Variants in CHMP5 observed in about 807,000 individuals in gnomAD.
The protein encoded by CHMP5 is SNF7 domain containing 2.
A neutral mutation model predicts 33.0 loss-of-function variants in CHMP5; 17 were observed. The ratio of observed to expected loss-of-function variants is 0.52; its 90% CI spans 0.35 to 0.77. CHMP5 has a LOEUF of 0.77. CHMP5 is among the 30% of genes least tolerant of loss of function. The pLI is 0.01. For synonymous variants in CHMP5, 76 were observed against 90.2 expected (o/e 0.84, Z 0.89); for missense variants, 216 against 261.5 (o/e 0.83, Z 1.20).
At chr9:33,276,615 CAGCTGCCTGGG>C (rs1820858282) in intron 6 of CHMP5, 51 bp downstream of exon 6, 1 of 979,002 alleles carries the variant, frequency 1.0e-6, no homozygotes, top group African/African-American at 1.6e-5. Context: ...CCAAAAGCAA[CAGCTGCCTGGG>C]ACCTTTTCTC....
chr9:33,268,023 G>T, intron 3 of CHMP5, 124 bp downstream of exon 3: 1 of 702,936 alleles, frequency 1.4e-6, no homozygotes, highest in Non-Finnish European at 2.5e-6. Context: ...TTTCATTGAC[G>T]TGTAATTAAA....
chr9:33,279,489 A>G (rs1382563983), intron 7 of CHMP5, among the ~76,000 whole-genome samples: 1 of 152,082 alleles, frequency 6.6e-6, no homozygotes. Context: ...TCCCAGGTCC[A>G]TGGGTTGCTT....
chr9:33,270,814 G>T (rs1820785749), intron 4 of CHMP5, 98 bp downstream of exon 4: 1 of 989,388 alleles, frequency 1.0e-6, no homozygotes, highest in Non-Finnish European at 1.6e-6. Flanking sequence ...AGGCACAGTG[G>T]CTCACGCCTG....
Position 33,280,842 on chromosome 9 carries a change from C to A in CHMP5, c.643C>A (p.Gln215Lys). The A allele has an allele frequency of 6.2e-7, 1 of 1,612,088 alleles. No individual in the cohort carries two copies. The highest frequency in any genetic ancestry group is 8.5e-7 in the Non-Finnish European group (1 of 1,179,292). ...GVLVDEFGLP[Q>K]IPAS ...TCTGGTGGATGAATTTGGATTGCCA[C>A]AGATCCCTGCTTCATAGATTTGCAT... Residue 215 changes from glutamine (Q) to lysine (K), a missense_variant, in exon 8 of 8, where the codon CAG becomes AAG. Coordinates refer to ENST00000223500, the MANE Select transcript of CHMP5 (RefSeq NM_016410.6).
intron 3 of CHMP5, among the ~76,000 whole-genome samples, chr9:33,268,840 C>A (rs796445536): frequency 2.1e-4 from 32 of 152,278 alleles, no homozygotes; most frequent in African/African-American, 7.5e-4. Flanking sequence ...CTTCCAGTTT[C>A]TTTCCTCTGC....
chr9:33,265,569 C>T (rs1302296288), intron 1 of CHMP5, among the ~76,000 whole-genome samples: 1 of 152,194 alleles, frequency 6.6e-6, no homozygotes, highest in Admixed American at 6.5e-5. Context: ...CGTCCTGGAT[C>T]TCAGTAACAC....
At chr9:33,269,004 T>C (rs1350339097) in intron 3 of CHMP5, among the ~76,000 whole-genome samples, 3 of 152,250 alleles carry the variant, frequency 2.0e-5, no homozygotes, top group Non-Finnish European at 4.4e-5. Flanking sequence ...TTTAATGAGA[T>C]TATAATATTC....
At chr9:33,278,060 C>A in intron 6 of CHMP5, 53 bp from the exon 7 acceptor site, 1 of 1,143,770 alleles carries the variant, frequency 8.7e-7, no homozygotes, top group Non-Finnish European at 1.3e-6. Flanking sequence ...AAATTATTAG[C>A]TGCCAGTTTT....
chr9:33,272,298 C>T (rs1470924106), intron 5 of CHMP5, among the ~76,000 whole-genome samples: 3 of 151,304 alleles, frequency 2.0e-5, no homozygotes, highest in Non-Finnish European at 2.9e-5. Flanking sequence ...TTGTTCACTA[C>T]TGTGTCCCCA....
At position 33,265,102 on chromosome 9, in the gene CHMP5, G is replaced by A. The variant is rs1642684175; in HGVS notation, c.24G>A (p.Ala8=). The A allele has an allele frequency of 6.2e-7, 1 of 1,614,072 alleles. No individual in the cohort carries two copies. The stretch of plus-strand genomic sequence containing the variant: ...AGATGAACCGACTCTTCGGGAAAGC[G>A]AAACCCAAGGCTCCGCCGCCCAGCC... The part of the protein sequence containing the change: MNRLFGK[A]KPKAPPPSLT... The change falls in exon 1 of 8, where the codon GCG becomes GCA. Residue 8 remains alanine, a synonymous_variant. Coordinates refer to ENST00000223500, the MANE Select transcript of CHMP5 (RefSeq NM_016410.6).
intron 6 of CHMP5, among the ~76,000 whole-genome samples, chr9:33,277,262 C>T (rs894643913): frequency 4.6e-5 from 7 of 150,782 alleles, no homozygotes; most frequent in Non-Finnish European, 1.0e-4. Context: ...GCCAGGTACT[C>T]TACTAGGTGG....
intron 7 of CHMP5, among the ~76,000 whole-genome samples, chr9:33,280,486 G>T (rs1820909120): frequency 6.6e-6 from 1 of 152,178 alleles, no homozygotes; most frequent in Non-Finnish European, 1.5e-5. Flanking sequence ...CTGGAGGCAA[G>T]GACCCACTCC....
At chr9:33,274,962 C>A (rs1339848890) in intron 5 of CHMP5, among the ~76,000 whole-genome samples, 1 of 152,120 alleles carries the variant, frequency 6.6e-6, no homozygotes, top group African/African-American at 2.4e-5. Flanking sequence ...GAAAATAAGG[C>A]TTAGAGACAT....
intron 5 of CHMP5, among the ~76,000 whole-genome samples, chr9:33,275,181 T>TA (rs1820838555): frequency 6.6e-6 from 1 of 152,136 alleles, no homozygotes; most frequent in African/African-American, 2.4e-5. Flanking sequence ...GGATCGAAAA[T>TA]ATAGTGTTTG....
intron 7 of CHMP5, 38 bp from the exon 8 acceptor site, chr9:33,280,771 G>A: frequency 2.0e-6 from 3 of 1,522,064 alleles, no homozygotes; most frequent in South Asian, 1.2e-5. Context: ...TTATCAAATA[G>A]AAAAATAGTG....
chr9:33,280,544 GT>G (rs1316869277), intron 7 of CHMP5, among the ~76,000 whole-genome samples: 1 of 152,058 alleles, frequency 6.6e-6, no homozygotes, highest in Non-Finnish European at 1.5e-5. Flanking sequence ...CCCTTTCCAG[GT>G]TTACTCTTAG....
At chr9:33,277,762 T>G (rs967874033) in intron 6 of CHMP5, 1 of 177,540 alleles carries the variant, frequency 5.6e-6, no homozygotes, top group Non-Finnish European at 1.2e-5. Flanking sequence ...GGATTTCTAT[T>G]GTGTGATTCC....
At chr9:33,276,942 C>T (rs780321359) in intron 6 of CHMP5, among the ~76,000 whole-genome samples, 6 of 152,094 alleles carry the variant, frequency 3.9e-5, no homozygotes, top group Non-Finnish European at 8.8e-5. Context: ...GTGCCCTAAT[C>T]CCAGCACTTT....
intron 4 of CHMP5, 100 bp from the exon 5 acceptor site, chr9:33,271,052 C>G: frequency 1.1e-6 from 1 of 949,342 alleles, no homozygotes; most frequent in South Asian, 1.5e-5. Context: ...GCCTGGGCAG[C>G]AAGAGTGCAA....
Sources: gnomAD v4.1 joint callset for allele counts (sites outside exome capture counted in the v4.1 genomes callset) on GRCh38, gnomAD v4.1.1 for gene constraint, MANE v1.5 for transcripts, NCBI Gene and HGNC (gene_info 2026-07-23, HGNC 2026-07-21) for gene names.